TASP1: variants seen among roughly 807,000 people sequenced by gnomAD.
TASP1 encodes the protein threonine aspartase 1.
TASP1 carries 16 observed loss-of-function variants against 56.6 expected under a neutral mutation model. The observed-to-expected ratio is 0.28, with a 90% CI of 0.19 to 0.43. The LOEUF is 0.43. TASP1 is among the 20% of genes least tolerant of loss of function. TASP1 has a pLI of 1.00. For synonymous variants in TASP1, 179 were observed against 184.2 expected (o/e 0.97, Z 0.23); for missense variants, 393 against 511.6 (o/e 0.77, Z 2.24).
At chr20:13,366,429 A>G in the TASP1 span, among the ~76,000 whole-genome samples, 140 of 152,326 alleles carry the variant, frequency 9.2e-4, no homozygotes, top group African/African-American at 3.0e-3. Context: ...GAAAGCCTAT[A>G]ATTCTAAACC....
the TASP1 span, among the ~76,000 whole-genome samples, chr20:13,350,424 C>T: frequency 6.6e-6 from 1 of 151,856 alleles, no homozygotes; most frequent in Non-Finnish European, 1.5e-5. Flanking sequence ...AGCAAAGAAA[C>T]TTAAAAGAGG....
the TASP1 span, among the ~76,000 whole-genome samples, chr20:13,278,057 G>A: frequency 1.1e-4 from 16 of 152,182 alleles, no homozygotes; most frequent in Admixed American, 3.3e-4. Flanking sequence ...AAATGCGTCT[G>A]CCCAGTACAT....
chr20:13,147,990 A>C, the TASP1 span, among the ~76,000 whole-genome samples: 2 of 152,206 alleles, frequency 1.3e-5, no homozygotes, highest in Non-Finnish European at 1.5e-5. Context: ...CAAACTCGTC[A>C]ACCCCATCTC....
chr20:13,311,264 G>C, the TASP1 span, among the ~76,000 whole-genome samples: 1 of 123,304 alleles, frequency 8.1e-6, no homozygotes, highest in Non-Finnish European at 1.8e-5. Flanking sequence ...TAGATAGATA[G>C]ATAGATAGAT....
intron 12 of TASP1, among the ~76,000 whole-genome samples, chr20:13,424,093 G>A (rs371491404): frequency 8.5e-5 from 13 of 152,122 alleles, no homozygotes; most frequent in East Asian, 7.8e-4. Context: ...AAACAAACAC[G>A]CACTGTACCT....
the TASP1 span, among the ~76,000 whole-genome samples, chr20:13,290,215 T>C: frequency 6.6e-6 from 1 of 151,788 alleles, no homozygotes; most frequent in Non-Finnish European, 1.5e-5. Flanking sequence ...GGAAGCCTGG[T>C]GGGTGGAATC....
At chr20:13,635,065 T>G (rs2049248836) in intron 1 of TASP1, among the ~76,000 whole-genome samples, 1 of 152,050 alleles carries the variant, frequency 6.6e-6, no homozygotes, top group African/African-American at 2.4e-5. Flanking sequence ...TAAAATTGAA[T>G]TTGGTAATGG....
At chr20:13,609,723 T>C (rs913297314) in intron 4 of TASP1, among the ~76,000 whole-genome samples, 1 of 149,376 alleles carries the variant, frequency 6.7e-6, no homozygotes, top group Admixed American at 6.7e-5. Context: ...AACATAGAAT[T>C]AATTACCATA....
chr20:13,322,599 C>G, the TASP1 span, among the ~76,000 whole-genome samples: 1 of 152,166 alleles, frequency 6.6e-6, no homozygotes, highest in Non-Finnish European at 1.5e-5. Context: ...CTCAGGATCC[C>G]TTTTCCTGCT....
rs548090530 is a variant in TASP1 at position 13,424,577 on chromosome 20, C to T, written c.1097-7056G>A. 2.6e-5 allele frequency among the ~76,000 whole-genome samples: 4 copies of T among 151,672 alleles called. No homozygotes were observed. The South Asian group carries it at 8.4e-4, about 32-fold the overall frequency. ...AGGGTAAATGAGTGGCCTGAAGTGA[C>T]ACATCTGAGCCTGTGAAAGCGCTGG... On this transcript the variant is annotated intron_variant, in intron 12 of 13. Transcript: ENST00000337743.
the TASP1 span, among the ~76,000 whole-genome samples, chr20:13,209,252 A>G: frequency 6.6e-6 from 1 of 152,212 alleles, no homozygotes; most frequent in Non-Finnish European, 1.5e-5. Flanking sequence ...TGTGAATTAA[A>G]ATGTTTTTTG....
chr20:13,508,324 G>A (rs2044203847), intron 10 of TASP1, among the ~76,000 whole-genome samples: 1 of 151,892 alleles, frequency 6.6e-6, no homozygotes, highest in Non-Finnish European at 1.5e-5. Flanking sequence ...CATTGAATGG[G>A]AAAAAATATT....
chr20:13,249,169 A>T, the TASP1 span, among the ~76,000 whole-genome samples: 1 of 152,140 alleles, frequency 6.6e-6, no homozygotes, highest in Non-Finnish European at 1.5e-5. Flanking sequence ...ATCTGGGGGG[A>T]AAAAGCCAAA....
chr20:13,573,944 G>C (rs138915333), intron 6 of TASP1, among the ~76,000 whole-genome samples: 1 of 151,976 alleles, frequency 6.6e-6, no homozygotes, highest in Non-Finnish European at 1.5e-5. Context: ...TGACATAGTC[G>C]GGCATCCAGA....
intron 12 of TASP1, among the ~76,000 whole-genome samples, chr20:13,422,826 T>A (rs557750431): frequency 4.6e-5 from 7 of 152,182 alleles, no homozygotes; most frequent in Non-Finnish European, 1.0e-4. Flanking sequence ...AATGTGCACA[T>A]GAGGTGACTC....
intron 8 of TASP1, among the ~76,000 whole-genome samples, chr20:13,542,933 C>T (rs1430811646): frequency 6.7e-6 from 1 of 149,322 alleles, no homozygotes; most frequent in African/African-American, 2.5e-5. Context: ...AAGACAAACA[C>T]AAAGAAAAAG....
intron 1 of TASP1, among the ~76,000 whole-genome samples, chr20:13,632,033 C>T (rs1219067282): frequency 2.0e-5 from 3 of 151,134 alleles, no homozygotes; most frequent in Non-Finnish European, 4.4e-5. Context: ...GCCTGGGCGA[C>T]GGAGCAAGAC....
the TASP1 span, among the ~76,000 whole-genome samples, chr20:13,145,942 T>C: frequency 6.6e-6 from 1 of 152,166 alleles, no homozygotes; most frequent in East Asian, 1.9e-4. Flanking sequence ...TAGGGACAAA[T>C]ATAAATAATT....
the TASP1 span, among the ~76,000 whole-genome samples, chr20:13,362,215 C>T: frequency 6.6e-6 from 1 of 150,678 alleles, no homozygotes; most frequent in Non-Finnish European, 1.5e-5. Flanking sequence ...TTTTATTTTT[C>T]TTATTAATAT....
Sources: allele counts gnomAD v4.1 joint callset (sites outside exome capture counted in the v4.1 genomes callset), GRCh38; gene constraint gnomAD v4.1.1; transcripts MANE v1.5; gene names NCBI Gene and HGNC (gene_info 2026-07-23, HGNC 2026-07-21).